Variants in KCNIP4 observed in about 807,000 individuals in gnomAD.
The protein encoded by KCNIP4 is Kv channel-interacting protein 4.
A neutral mutation model predicts 34.0 loss-of-function variants in KCNIP4; 12 were observed. The observed-to-expected ratio is 0.35, with a 90% CI of 0.23 to 0.57. KCNIP4 has a LOEUF of 0.57. Among genes scored for constraint, KCNIP4 ranks in the 20% least tolerant of loss-of-function variants. The pLI is 0.83. For synonymous variants in KCNIP4, 124 were observed against 102.2 expected (o/e 1.21, Z -1.29); for missense variants, 238 against 311.7 (o/e 0.76, Z 1.78).
chr4:21,014,576 A>G (rs1739341694), intron 1 of KCNIP4, among the ~76,000 whole-genome samples: 1 of 152,224 alleles, frequency 6.6e-6, no homozygotes, highest in African/African-American at 2.4e-5. Context: ...ATATTATGCA[A>G]TACCTCTTAG....
intron 1 of KCNIP4, among the ~76,000 whole-genome samples, chr4:21,216,306 T>A (rs889351629): frequency 1.3e-5 from 2 of 152,242 alleles, no homozygotes; most frequent in Non-Finnish European, 2.9e-5. Context: ...TATATTCTAA[T>A]GTGTCCTCAC....
chr4:20,738,233 A>G (rs979026490), intron 5 of KCNIP4, among the ~76,000 whole-genome samples: 5 of 152,230 alleles, frequency 3.3e-5, no homozygotes, highest in African/African-American at 1.2e-4. Context: ...TTGAAAGGCT[A>G]GATGAGATTG....
intron 1 of KCNIP4, among the ~76,000 whole-genome samples, chr4:21,353,898 G>C (rs1718287310): frequency 6.6e-6 from 1 of 152,186 alleles, no homozygotes; most frequent in Non-Finnish European, 1.5e-5. Flanking sequence ...CAGCCAGAAA[G>C]AAAGGTCGGG....
chr4:21,313,761 C>A (rs944306413), intron 1 of KCNIP4, among the ~76,000 whole-genome samples: 1 of 152,136 alleles, frequency 6.6e-6, no homozygotes, highest in Non-Finnish European at 1.5e-5. Context: ...CAGACTAAAA[C>A]TCTCTTGAAG....
intron 3 of KCNIP4, among the ~76,000 whole-genome samples, chr4:20,835,964 T>TA (rs1218290467): frequency 5.3e-5 from 8 of 152,334 alleles, no homozygotes; most frequent in Middle Eastern, 3.4e-3. Flanking sequence ...TCTCAACAAT[T>TA]AAAATTTCTA....
chr4:21,016,506 T>A (rs1739558809), intron 1 of KCNIP4, among the ~76,000 whole-genome samples: 1 of 151,948 alleles, frequency 6.6e-6, no homozygotes, highest in East Asian at 1.9e-4. Flanking sequence ...CGTGTTAGCC[T>A]GGATGGTCTC....
intron 1 of KCNIP4, among the ~76,000 whole-genome samples, chr4:21,474,679 G>A (rs1016710110): frequency 6.6e-6 from 1 of 152,006 alleles, no homozygotes; most frequent in Non-Finnish European, 1.5e-5. Context: ...GACTTCACAT[G>A]AGGAGGAAAC....
intron 1 of KCNIP4, among the ~76,000 whole-genome samples, chr4:21,198,321 C>T (rs1756209649): frequency 6.6e-6 from 1 of 152,106 alleles, no homozygotes; most frequent in South Asian, 2.1e-4. Flanking sequence ...ATTAGTGCTC[C>T]CTCTGTTTAC....
intron 1 of KCNIP4, among the ~76,000 whole-genome samples, chr4:21,200,341 T>TACATATATGTGTGTATAATATACAC (rs1756388128): frequency 9.8e-6 from 1 of 101,960 alleles, no homozygotes; most frequent in Non-Finnish European, 2.1e-5. Flanking sequence ...TATATATACA[T>TACATATATGTGTGTATAATATACAC]ACATATATGT....
At chr4:21,348,948 C>T (rs1475050854) in intron 1 of KCNIP4, among the ~76,000 whole-genome samples, 1 of 152,018 alleles carries the variant, frequency 6.6e-6, no homozygotes, top group Non-Finnish European at 1.5e-5. Flanking sequence ...CCAGGTGGAA[C>T]AAATGAAAAA....
At chr4:20,922,963 G>T (rs1039307577) in intron 1 of KCNIP4, among the ~76,000 whole-genome samples, 5 of 151,240 alleles carry the variant, frequency 3.3e-5, no homozygotes, top group Admixed American at 1.3e-4. Context: ...ATGTGAGTAC[G>T]TGTGTGTGTG....
intron 1 of KCNIP4, among the ~76,000 whole-genome samples, chr4:21,809,344 C>A (rs897504268): frequency 1.1e-4 from 17 of 152,140 alleles, no homozygotes; most frequent in Non-Finnish European, 2.4e-4. Flanking sequence ...CACCCCAGTG[C>A]CGCTAACCCC....
intron 1 of KCNIP4, among the ~76,000 whole-genome samples, chr4:21,528,601 A>G (rs968292151): frequency 2.3e-4 from 35 of 151,100 alleles, no homozygotes; most frequent in African/African-American, 7.6e-4. Flanking sequence ...TGGGAGGTGG[A>G]GGTTGCAGTG....
intron 1 of KCNIP4, among the ~76,000 whole-genome samples, chr4:21,129,678 T>C (rs1451804848): frequency 6.6e-6 from 1 of 152,210 alleles, no homozygotes; most frequent in Non-Finnish European, 1.5e-5. Context: ...ACTTTGGGAA[T>C]GGGAGTGAAT....
chr4:21,548,855 AT>A (rs1421209340), intron 1 of KCNIP4, among the ~76,000 whole-genome samples: 1 of 152,076 alleles, frequency 6.6e-6, no homozygotes, highest in Non-Finnish European at 1.5e-5. Context: ...AAAAATTTAA[AT>A]TCATACTTAA....
At chr4:21,913,513 C>T (rs1728457505) in intron 1 of KCNIP4, among the ~76,000 whole-genome samples, 1 of 152,012 alleles carries the variant, frequency 6.6e-6, no homozygotes, top group African/African-American at 2.4e-5. Flanking sequence ...TTGCCAGCCT[C>T]CAGAACTGTG....
At chr4:21,055,638 T>C (rs1743336210) in intron 1 of KCNIP4, among the ~76,000 whole-genome samples, 1 of 151,824 alleles carries the variant, frequency 6.6e-6, no homozygotes. Context: ...GAAACTTGAG[T>C]TCCTATATTT....
At chr4:21,234,312 A>ATATATTATATATAACATATAT (rs1553841605) in intron 1 of KCNIP4, among the ~76,000 whole-genome samples, 4 of 77,852 alleles carry the variant, frequency 5.1e-5, no homozygotes, top group African/African-American at 1.0e-4. Flanking sequence ...CATATATAAC[A>ATATATTATATATAACATATAT]TATATATAAC....
At chr4:20,758,995 A>G (rs1414228485) in intron 3 of KCNIP4, 105 bp from the exon 4 acceptor site, 3 of 766,690 alleles carry the variant, frequency 3.9e-6, no homozygotes, top group African/African-American at 1.7e-5. Flanking sequence ...CTGCACCAAG[A>G]AAATTAACCA....
Sources: allele counts gnomAD v4.1 joint callset (sites outside exome capture counted in the v4.1 genomes callset), GRCh38; gene constraint gnomAD v4.1.1; transcripts MANE v1.5; gene names NCBI Gene and HGNC (gene_info 2026-07-23, HGNC 2026-07-21).